The following KCNAB1 variants were observed in gnomAD, a reference collection of about 807,000 sequenced individuals.
KCNAB1 encodes the protein voltage-gated potassium channel subunit beta-1.
In KCNAB1, 35 loss-of-function variants were observed where a neutral mutation model predicts 64.6. That is an observed-to-expected ratio of 0.54 (90% CI 0.41 to 0.72). The LOEUF (loss-of-function observed/expected upper bound fraction) is 0.72. KCNAB1 is among the 30% of genes least tolerant of loss of function. The pLI is 0.00. For synonymous variants in KCNAB1, 177 were observed against 183.8 expected (o/e 0.96, Z 0.30); for missense variants, 401 against 512.9 (o/e 0.78, Z 2.11).
intron 1 of KCNAB1, among the ~76,000 whole-genome samples, chr3:156,383,904 C>T (rs1408287313): frequency 2.0e-5 from 3 of 152,158 alleles, no homozygotes; most frequent in Non-Finnish European, 2.9e-5. Context: ...TTTCCAGACG[C>T]TGGCAGGGAT....
At chr3:156,222,973 C>A (rs1253638783) in intron 1 of KCNAB1, among the ~76,000 whole-genome samples, 2 of 152,164 alleles carry the variant, frequency 1.3e-5, no homozygotes, top group Non-Finnish European at 2.9e-5. Flanking sequence ...CCTACATCAA[C>A]AAGTCTAAAA....
At chr3:156,146,982 A>G (rs1715075437) in intron 1 of KCNAB1, among the ~76,000 whole-genome samples, 1 of 152,164 alleles carries the variant, frequency 6.6e-6, no homozygotes, top group South Asian at 2.1e-4. Context: ...TTGTTTCCAG[A>G]GGTATTTAAG....
chr3:156,208,645 C>T (rs1042367255), intron 1 of KCNAB1, among the ~76,000 whole-genome samples: 1 of 152,138 alleles, frequency 6.6e-6, no homozygotes, highest in African/African-American at 2.4e-5. Flanking sequence ...AATACTTGCC[C>T]ATACTGACAA....
chr3:156,275,622 A>G (rs994485754), intron 1 of KCNAB1, among the ~76,000 whole-genome samples: 5 of 152,174 alleles, frequency 3.3e-5, no homozygotes, highest in African/African-American at 1.2e-4. Context: ...ATTCTGAATC[A>G]TTTGTTGTCA....
chr3:156,471,398 G>A (rs6801966), intron 7 of KCNAB1, among the ~76,000 whole-genome samples: 18,389 of 152,136 alleles, frequency 0.12, 2,095 homozygotes, highest in African/African-American at 0.3. Context: ...TTTTCTTTGA[G>A]TAATTTATTT....
intron 1 of KCNAB1, among the ~76,000 whole-genome samples, chr3:156,153,983 C>T (rs1181792775): frequency 6.6e-6 from 1 of 152,192 alleles, no homozygotes; most frequent in African/African-American, 2.4e-5. Flanking sequence ...TTATCCATCT[C>T]CTGTTAGTTG....
chr3:156,464,438 A>T (rs757304498), intron 6 of KCNAB1, among the ~76,000 whole-genome samples: 6 of 152,096 alleles, frequency 3.9e-5, no homozygotes, highest in Non-Finnish European at 8.8e-5. Context: ...ATACCAGAGC[A>T]ATCATTGGTA....
chr3:156,447,469 G>A (rs1711646089), intron 2 of KCNAB1, among the ~76,000 whole-genome samples: 1 of 152,014 alleles, frequency 6.6e-6, no homozygotes, highest in African/African-American at 2.4e-5. Context: ...GAAAAAGTGA[G>A]GAAATGTTAA....
intron 1 of KCNAB1, among the ~76,000 whole-genome samples, chr3:156,286,953 T>C (rs1720130060): frequency 6.6e-6 from 1 of 152,194 alleles, no homozygotes; most frequent in South Asian, 2.1e-4. Flanking sequence ...GGGTTGATAA[T>C]GATAACACCT....
At chr3:156,135,023 GTC>G (rs2108269940) in intron 1 of KCNAB1, among the ~76,000 whole-genome samples, 1 of 151,728 alleles carries the variant, frequency 6.6e-6, no homozygotes, top group South Asian at 2.1e-4. Flanking sequence ...TCACGGTGGA[GTC>G]TCACTCTGCT....
At chr3:156,475,255 G>A (rs186960396) in intron 8 of KCNAB1, among the ~76,000 whole-genome samples, 1 of 152,290 alleles carries the variant, frequency 6.6e-6, no homozygotes, top group East Asian at 1.9e-4. Context: ...GCCACCAGCA[G>A]GGATTCCACA....
At chr3:156,382,137 T>A (rs1437034552) in intron 1 of KCNAB1, 3 of 152,182 alleles carry the variant, frequency 2.0e-5, no homozygotes, top group Admixed American at 1.3e-4. Context: ...TATATTCATT[T>A]CCAGGTCCCA....
chr3:156,416,156 C>T (rs372472989), intron 1 of KCNAB1, among the ~76,000 whole-genome samples: 28 of 152,324 alleles, frequency 1.8e-4, no homozygotes, highest in African/African-American at 6.5e-4. Context: ...AGCACCATTT[C>T]TCATCAGGAT....
At chr3:156,523,517 G>A (rs6441075) in intron 11 of KCNAB1, among the ~76,000 whole-genome samples, 55,456 of 151,780 alleles carry the variant, frequency 0.37, 10,588 homozygotes, top group Middle Eastern at 0.43. Flanking sequence ...AATAAAAAAC[G>A]TTACTTCTTC....
At chr3:156,139,517 C>T (rs1003396974) in intron 1 of KCNAB1, among the ~76,000 whole-genome samples, 23 of 149,552 alleles carry the variant, frequency 1.5e-4, no homozygotes, top group African/African-American at 5.6e-4. Flanking sequence ...TGGTGGCTAC[C>T]ATAAGTGATG....
chr3:156,319,182 A>C (rs1441413759), intron 1 of KCNAB1, among the ~76,000 whole-genome samples: 1 of 152,190 alleles, frequency 6.6e-6, no homozygotes, highest in Non-Finnish European at 1.5e-5. Context: ...TTTTTCATAC[A>C]GTCAGCCTGG....
chr3:156,328,229 G>A (rs1723109076), intron 1 of KCNAB1, among the ~76,000 whole-genome samples: 2 of 152,138 alleles, frequency 1.3e-5, no homozygotes, highest in Admixed American at 6.6e-5. Flanking sequence ...GATAGTGGAA[G>A]TAGATCATGA....
At chr3:156,164,886 T>G (rs1716279124) in intron 1 of KCNAB1, among the ~76,000 whole-genome samples, 1 of 152,244 alleles carries the variant, frequency 6.6e-6, no homozygotes. Flanking sequence ...GGATTGCAAG[T>G]GCTTAAATAG....
At chr3:156,315,455 G>A (rs571511826) in intron 1 of KCNAB1, among the ~76,000 whole-genome samples, 11 of 152,250 alleles carry the variant, frequency 7.2e-5, no homozygotes, top group African/African-American at 2.4e-4. Context: ...TGAGGTCCCT[G>A]GAATTCCTCA....
Sources: gnomAD v4.1 joint callset for allele counts (sites outside exome capture counted in the v4.1 genomes callset) on GRCh38, gnomAD v4.1.1 for gene constraint, MANE v1.5 for transcripts, NCBI Gene and HGNC (gene_info 2026-07-23, HGNC 2026-07-21) for gene names.